The following SEPTIN9 variants were observed in gnomAD, a reference collection of about 807,000 sequenced individuals.
The protein encoded by SEPTIN9 is septin 9.
Under a neutral mutation model 56.6 loss-of-function variants are expected in SEPTIN9, and 13 were observed. The ratio of observed to expected loss-of-function variants is 0.23; its 90% CI spans 0.15 to 0.37. SEPTIN9 has a LOEUF of 0.37. Among genes scored for constraint, SEPTIN9 ranks in the 10% least tolerant of loss-of-function variants. The probability of loss-of-function intolerance (pLI) is 1.00; values close to 1 mark genes in which losing one functional copy is unlikely to be tolerated. For missense variants in SEPTIN9, 650 were observed against 823.1 expected, an observed-to-expected ratio of 0.79 and a Z score of 2.57; for synonymous variants, 332 against 334.1, an observed-to-expected ratio of 0.99 and a Z score of 0.07.
intron 1 of SEPTIN9, among the ~76,000 whole-genome samples, chr17:77,302,110 T>C (rs2032077580): frequency 1.3e-5 from 2 of 152,206 alleles, no homozygotes; most frequent in African/African-American, 4.8e-5. Context: ...CTGCTCAGAT[T>C]CTGAGTGCCT....
At chr17:77,333,703 G>C (rs138550393) in intron 2 of SEPTIN9, among the ~76,000 whole-genome samples, 2 of 152,336 alleles carry the variant, frequency 1.3e-5, no homozygotes, top group East Asian at 3.9e-4. Context: ...AAGGCTTAGA[G>C]TTATATAGCT....
rs199903530 is a variant in SEPTIN9 at position 77,488,806 on chromosome 17, C to T, written c.1204C>T (p.Arg402Cys). The T allele has an allele frequency of 1.8e-5, 29 of 1,613,694 alleles. No individual in the cohort carries two copies. Among genetic ancestry groups the T allele is most frequent in the Admixed American group, 5.0e-5 (3 of 59,990 alleles). The change falls in exon 7 of 12, where the codon CGC (arginine) becomes TGC (cysteine). Residue 402 changes from arginine (R) to cysteine (C), a missense_variant. Coordinates refer to ENST00000427177, the MANE Select transcript of SEPTIN9 (RefSeq NM_001113491.2). ...QEEVNINRKK[R>C]IPDTRVHCCL... Reference sequence around the variant, plus strand: ...GGAGGTCAACATCAACCGCAAGAAGCGCATCCCGGACACCCGCGTCCACTG... The same window carrying T: ...GGAGGTCAACATCAACCGCAAGAAGTGCATCCCGGACACCCGCGTCCACTG...
At position 77,319,706 on chromosome 17, in the gene SEPTIN9, C is replaced by T. The variant is rs1236698134; in HGVS notation, c.76+12509C>T. On this transcript the variant is annotated intron_variant, in intron 2 of 11. Transcript: ENST00000427177. This position sits in a 1 kb window ranked among gnomAD's most constrained non-coding sequence, Gnocchi z 5.3. ...GACAGAGGAAGGCGAGGCAGGCACG[C>T]AGGAACTGGGCTTTTTAAACCCTTA... is the stretch of plus-strand genomic sequence containing the variant. 1 of 1,066,658 alleles carries T rather than the reference C, an allele frequency of 9.4e-7. No individual in the cohort carries two copies. Among genetic ancestry groups the T allele is most frequent in the East Asian group, 5.0e-5 (1 of 19,982 alleles). The allele number at this position is 1,066,658 out of a possible 1,614,324, so 66.1% of individuals were successfully genotyped here.
At chr17:77,460,238 T>A (rs2038406214) in intron 3 of SEPTIN9, among the ~76,000 whole-genome samples, 1 of 152,008 alleles carries the variant, frequency 6.6e-6, no homozygotes, top group South Asian at 2.1e-4. Context: ...GAGAGAGCGG[T>A]GGGGGAGAAA....
chr17:77,362,392 G>C (rs1016849471), intron 2 of SEPTIN9, among the ~76,000 whole-genome samples: 7 of 152,270 alleles, frequency 4.6e-5, no homozygotes, highest in Non-Finnish European at 8.8e-5. Context: ...GAGAACAGCT[G>C]TGCTGAGAAG....
intron 2 of SEPTIN9, among the ~76,000 whole-genome samples, chr17:77,351,442 A>G (rs1018480966): frequency 4.3e-4 from 66 of 152,312 alleles, no homozygotes; most frequent in African/African-American, 1.4e-3. Context: ...AATTTTGCCT[A>G]TGGCACTGGG....
intron 1 of SEPTIN9, chr17:77,288,166 G>A: frequency 1.9e-6 from 2 of 1,059,870 alleles, no homozygotes; most frequent in Non-Finnish European, 2.3e-6. Flanking sequence ...CCAGGCAGGA[G>A]TGTCATCTTT....
Position 77,402,109 on chromosome 17 carries a change from C to A in SEPTIN9, c.127C>A (p.Pro43Thr), listed in dbSNP as rs750772174. ...VEEVETPNST[P>T]PRRVQTPLLR... The stretch of plus-strand genomic sequence containing the variant: ...GGAGGTCGAGACACCCAACTCCACC[C>A]CACCCCGGAGGGTCCAGACTCCCCT... The change falls in exon 3 of 12, where the codon CCA (proline) becomes ACA (threonine). Residue 43 changes from proline (P) to threonine (T), a missense_variant. Around this residue, in one of 2 missense-constraint regions of SEPTIN9, gnomAD observed 317 missense variants for 329.1 expected, o/e 0.96. Transcript: ENST00000427177. This position sits in a 1 kb window ranked among gnomAD's most constrained non-coding sequence, Gnocchi z 6.6. 3.1e-6 allele frequency: 5 copies of A among 1,613,834 alleles called. No individual in the cohort carries two copies. Among genetic ancestry groups the A allele is most frequent in the Middle Eastern group, 1.6e-4 (1 of 6,084 alleles).
intron 2 of SEPTIN9, among the ~76,000 whole-genome samples, chr17:77,394,955 A>G (rs2035656534): frequency 6.6e-6 from 1 of 152,036 alleles, no homozygotes; most frequent in African/African-American, 2.4e-5. Flanking sequence ...GAATAGGAGA[A>G]GCCCTGTGCC....
rs1250469897 is a variant in SEPTIN9, at chr17:77,405,303, G to T, written c.721+2600G>T. 6.6e-6 allele frequency among the ~76,000 whole-genome samples: 1 copy of T among 152,190 alleles called. No individual in the cohort carries two copies. The highest frequency in any genetic ancestry group is 6.5e-5 in the Admixed American group (1 of 15,286). ...ACCGAGCCGTGAGCAGGATGGCTGG[G>T]ACACAAGGAGTGTCCAGGGAGCTTC... On this transcript the variant is annotated intron_variant, in intron 3 of 11. Coordinates refer to ENST00000427177, the MANE Select transcript of SEPTIN9 (RefSeq NM_001113491.2). The surrounding 1 kb of genome is among the most constrained non-coding windows in gnomAD (Gnocchi z 5.8).
chr17:77,324,071 T>G (rs983473969), intron 2 of SEPTIN9, among the ~76,000 whole-genome samples: 1 of 152,224 alleles, frequency 6.6e-6, no homozygotes, highest in Non-Finnish European at 1.5e-5. Flanking sequence ...CCCGAAACCC[T>G]TGGCGTTCCT....
intron 2 of SEPTIN9, among the ~76,000 whole-genome samples, chr17:77,360,174 A>AG (rs1357579017): frequency 1.4e-5 from 2 of 147,876 alleles, no homozygotes. Context: ...AAAAAAAAAA[A>AG]GCAAACCCAG....
intron 2 of SEPTIN9, among the ~76,000 whole-genome samples, chr17:77,394,018 T>C (rs1271108472): frequency 2.0e-5 from 3 of 152,202 alleles, no homozygotes; most frequent in Non-Finnish European, 4.4e-5. Flanking sequence ...AAGAGCACGG[T>C]CCCTGTGCAG....
chr17:77,369,426 G>C lies in SEPTIN9; in HGVS notation c.77-32633G>C, dbSNP rs7209417. ...TCGCAGAGAGACTAGAGGTAGAAAC[G>C]CACCATGGTTTGGATGCTGAGGGTG... is the stretch of plus-strand genomic sequence containing the variant. On this transcript the variant is annotated intron_variant, in intron 2 of 11. Transcript: ENST00000427177. This position sits in a 1 kb window ranked among gnomAD's most constrained non-coding sequence, Gnocchi z 4.9. 6.6e-6 allele frequency among the ~76,000 whole-genome samples: 1 copy of C among 151,870 alleles called. No homozygotes were observed. The highest frequency in any genetic ancestry group is 6.6e-5 in the Admixed American group (1 of 15,244).
At chr17:77,377,347 A>G (rs2034968803) in intron 2 of SEPTIN9, 1 of 127,280 alleles carries the variant, frequency 7.9e-6, no homozygotes, top group Non-Finnish European at 1.9e-5. Flanking sequence ...GCTTTCGTGA[A>G]TTCAGGCCAA....
At chr17:77,365,447 T>C (rs1328161273) in intron 2 of SEPTIN9, among the ~76,000 whole-genome samples, 4 of 152,104 alleles carry the variant, frequency 2.6e-5, no homozygotes, top group Non-Finnish European at 5.9e-5. Flanking sequence ...CTTTCCTATC[T>C]TTTCTTTCTC....
chr17:77,379,418 CAGGG>C (rs2035061131), intron 2 of SEPTIN9, among the ~76,000 whole-genome samples: 1 of 152,082 alleles, frequency 6.6e-6, no homozygotes, highest in Admixed American at 6.6e-5. Context: ...GGGCATCACC[CAGGG>C]TAATACAGAT....
intron 3 of SEPTIN9, among the ~76,000 whole-genome samples, chr17:77,465,766 T>C (rs1426606171): frequency 6.6e-6 from 1 of 151,810 alleles, no homozygotes; most frequent in Non-Finnish European, 1.5e-5. Context: ...TGTGGTAGAC[T>C]GGCAGGCCTG....
intron 3 of SEPTIN9, among the ~76,000 whole-genome samples, chr17:77,432,667 CG>C (rs2037189135): frequency 6.6e-6 from 1 of 152,146 alleles, no homozygotes; most frequent in Middle Eastern, 3.2e-3. Flanking sequence ...GGGGACTGAG[CG>C]GGGGGTGTGT....
Sources: gnomAD v4.1 joint callset for allele counts (sites outside exome capture counted in the v4.1 genomes callset) on GRCh38, gnomAD v4.1.1 for gene constraint, gnomAD v4.1.1 regional missense constraint, Gnocchi (gnomAD v3.1) non-coding constraint, MANE v1.5 for transcripts, NCBI Gene and HGNC (gene_info 2026-07-23, HGNC 2026-07-21) for gene names.